SNRPN: variants seen among roughly 807,000 people sequenced by gnomAD.
The protein encoded by SNRPN is small nuclear ribonucleoprotein-associated protein N.
A neutral mutation model predicts 25.2 loss-of-function variants in SNRPN; 7 were observed. The ratio of observed to expected loss-of-function variants is 0.28; its 90% CI spans 0.16 to 0.52. SNRPN has a LOEUF of 0.52. Ranked by LOEUF, SNRPN falls within the 20% of genes least tolerant of loss-of-function variation. SNRPN has a pLI of 0.96. For synonymous variants in SNRPN, 124 were observed against 110.6 expected (o/e 1.12, Z -0.76); for missense variants, 196 against 322.5 (o/e 0.61, Z 3.00).
chr15:24,908,662 C>T (rs12594683), intron 2 of SNRPN, among the ~76,000 whole-genome samples: 19,273 of 150,684 alleles, frequency 0.13, 1,489 homozygotes, highest in East Asian at 0.33. Flanking sequence ...GGGAGAAGGC[C>T]GGAGTAACTC....
intron 2 of SNRPN, among the ~76,000 whole-genome samples, chr15:24,914,054 T>C (rs2059378214): frequency 1.3e-5 from 2 of 152,214 alleles, no homozygotes; most frequent in Non-Finnish European, 2.9e-5. Context: ...TTTTCTTCAG[T>C]GGTTAGCCTT....
chr15:24,974,586 A>C, intron 4 of SNRPN, 130 bp downstream of exon 4: 1 of 880,876 alleles, frequency 1.1e-6, no homozygotes, highest in Non-Finnish European at 1.9e-6. Context: ...ATGGATTCTC[A>C]TTGCATTGAG....
At chr15:24,898,225 TA>T (rs1260463857) in intron 2 of SNRPN, among the ~76,000 whole-genome samples, 2 of 152,206 alleles carry the variant, frequency 1.3e-5, no homozygotes, top group African/African-American at 2.4e-5. Context: ...GCAAGCTTTT[TA>T]AAAAAAATAG....
At chr15:24,859,267 A>C (rs576308174) in intron 1 of SNRPN, among the ~76,000 whole-genome samples, 94 of 152,272 alleles carry the variant, frequency 6.2e-4, no homozygotes, top group African/African-American at 1.9e-3. Flanking sequence ...TGAGTGTTCA[A>C]TCTCCCTTAG....
At chr15:24,859,324 A>T (rs2053764438) in intron 1 of SNRPN, among the ~76,000 whole-genome samples, 1 of 152,114 alleles carries the variant, frequency 6.6e-6, no homozygotes, top group Admixed American at 6.5e-5. Context: ...AAAAAAGTAG[A>T]CCAGGATTGA....
intron 2 of SNRPN, among the ~76,000 whole-genome samples, chr15:24,903,187 A>G (rs60288155): frequency 0.015 from 2,331 of 152,292 alleles, 58 homozygotes; most frequent in African/African-American, 0.051. Context: ...ATCAATCTGA[A>G]AGCATATGCT....
At chr15:24,894,997 TA>T (rs1285532017) in intron 2 of SNRPN, among the ~76,000 whole-genome samples, 15 of 152,200 alleles carry the variant, frequency 9.9e-5, no homozygotes, top group Non-Finnish European at 2.1e-4. Flanking sequence ...AAGAAGCAGT[TA>T]AACCTGAGTG....
At chr15:24,918,737 T>C (rs1174438482) in intron 2 of SNRPN, among the ~76,000 whole-genome samples, 1 of 92,988 alleles carries the variant, frequency 1.1e-5, no homozygotes, top group African/African-American at 4.1e-5. Context: ...TATGTGTGCA[T>C]ATATATAACA....
At chr15:24,970,032 ACAC>A (rs1449357030) in intron 3 of SNRPN, among the ~76,000 whole-genome samples, 1 of 152,196 alleles carries the variant, frequency 6.6e-6, no homozygotes, top group Non-Finnish European at 1.5e-5. Flanking sequence ...AAAGAAGAAA[ACAC>A]CAAAGTGGGG....
chr15:24,832,688 T>C (rs1177253963), intron 2 of SNRPN, among the ~76,000 whole-genome samples: 1 of 151,926 alleles, frequency 6.6e-6, no homozygotes, highest in Non-Finnish European at 1.5e-5. Context: ...CGGTCACTCT[T>C]TGGGTCCATG....
intron 3 of SNRPN, among the ~76,000 whole-genome samples, chr15:24,974,052 A>G (rs1169304002): frequency 2.0e-5 from 3 of 152,218 alleles, no homozygotes; most frequent in Non-Finnish European, 4.4e-5. Context: ...AAATTTGGGA[A>G]AATGACGCTT....
At chr15:24,851,002 C>A (rs1437571710) in intron 2 of SNRPN, 1 of 151,664 alleles carries the variant, frequency 6.6e-6, no homozygotes, top group Admixed American at 6.6e-5. Context: ...TTCACTGCAG[C>A]CTCTACCTCC....
chr15:24,891,532 G>A (rs11630099), intron 2 of SNRPN, among the ~76,000 whole-genome samples: 13,465 of 151,876 alleles, frequency 0.089, 725 homozygotes, highest in South Asian at 0.15. Context: ...CTGCCTCCTG[G>A]GTTCAAGCGA....
At chr15:24,867,832 T>A (rs2054724316) in intron 1 of SNRPN, among the ~76,000 whole-genome samples, 1 of 152,160 alleles carries the variant, frequency 6.6e-6, no homozygotes, top group Non-Finnish European at 1.5e-5. Context: ...TGCTTTTCAT[T>A]TGCTGCCCTT....
intron 2 of SNRPN, among the ~76,000 whole-genome samples, chr15:24,893,628 A>G (rs61400025): frequency 0.01 from 1,547 of 152,080 alleles, 27 homozygotes; most frequent in African/African-American, 0.035. Flanking sequence ...AAATATATAT[A>G]ATTTTTTTCA....
chr15:24,865,658 T>C (rs1209141439), intron 1 of SNRPN, among the ~76,000 whole-genome samples: 6 of 152,208 alleles, frequency 3.9e-5, no homozygotes, highest in African/African-American at 9.6e-5. Context: ...AGTTAGAACA[T>C]AGTTTATTCT....
intron 1 of SNRPN, among the ~76,000 whole-genome samples, chr15:24,872,642 A>G (rs2055274088): frequency 9.0e-6 from 1 of 111,280 alleles, no homozygotes; most frequent in African/African-American, 3.1e-5. Flanking sequence ...CCTACTTGGC[A>G]GGCTGAGACA....
At chr15:24,886,339 G>T (rs1295758302) in intron 1 of SNRPN, among the ~76,000 whole-genome samples, 1 of 152,044 alleles carries the variant, frequency 6.6e-6, no homozygotes, top group Non-Finnish European at 1.5e-5. Context: ...CTGTTCCTTG[G>T]CTATAAATTG....
At chr15:24,918,442 G>A (rs1362619377) in intron 2 of SNRPN, among the ~76,000 whole-genome samples, 17 of 119,274 alleles carry the variant, frequency 1.4e-4, no homozygotes, top group African/African-American at 4.7e-4. Context: ...TAATATATAT[G>A]TGTATATATA....
Sources: allele counts gnomAD v4.1 joint callset (sites outside exome capture counted in the v4.1 genomes callset), GRCh38; gene constraint gnomAD v4.1.1; transcripts MANE v1.5; gene names NCBI Gene and HGNC (gene_info 2026-07-23, HGNC 2026-07-21).